Variants in DYM observed in about 807,000 individuals in gnomAD.
DYM encodes dyggve-Melchior-Clausen syndrome protein.
DYM carries 78 observed loss-of-function variants against 93.1 expected under a neutral mutation model. The ratio of observed to expected loss-of-function variants is 0.84; its 90% confidence interval spans 0.70 to 1.01. The LOEUF is 1.01. Ranked by LOEUF, DYM falls within the 50% of genes least tolerant of loss-of-function variation. The pLI is 0.00. For synonymous variants in DYM, 321 were observed against 319.7 expected, an observed-to-expected ratio of 1.00 and a Z score of -0.04; for missense variants, 789 against 845.0, an observed-to-expected ratio of 0.93 and a Z score of 0.82.
chr18:49,380,044 A>T (rs1235699569), intron 3 of DYM, among the ~76,000 whole-genome samples: 1 of 152,068 alleles, frequency 6.6e-6, no homozygotes, highest in Non-Finnish European at 1.5e-5. Context: ...GTTAATAGAC[A>T]CATTCAACTT....
intron 13 of DYM, among the ~76,000 whole-genome samples, chr18:49,214,318 T>C (rs1445774240): frequency 6.6e-6 from 1 of 152,144 alleles, no homozygotes; most frequent in Non-Finnish European, 1.5e-5. Context: ...TAGATTCTCA[T>C]AGGAAGACGA....
intron 14 of DYM, among the ~76,000 whole-genome samples, chr18:49,181,644 G>C (rs1355371251): frequency 6.6e-6 from 1 of 152,014 alleles, no homozygotes; most frequent in East Asian, 1.9e-4. Flanking sequence ...GGAGCATTTT[G>C]GATTTTTAGA....
intron 1 of DYM, among the ~76,000 whole-genome samples, chr18:49,456,570 G>T (rs1399501765): frequency 6.6e-6 from 1 of 152,104 alleles, no homozygotes; most frequent in Non-Finnish European, 1.5e-5. Context: ...GTCCTTATTG[G>T]AAAGTTTCAG....
chr18:49,324,825 G>A (rs1264816046), intron 8 of DYM, among the ~76,000 whole-genome samples: 1 of 152,184 alleles, frequency 6.6e-6, no homozygotes, highest in Non-Finnish European at 1.5e-5. Flanking sequence ...AATAGATGTT[G>A]TATAATTTTC....
chr18:49,330,046 C>A (rs1429884615), intron 8 of DYM, among the ~76,000 whole-genome samples: 2 of 152,150 alleles, frequency 1.3e-5, no homozygotes, highest in South Asian at 4.1e-4. Flanking sequence ...TTTTACATTT[C>A]ATTTTGCCCA....
intron 5 of DYM, among the ~76,000 whole-genome samples, chr18:49,367,659 TAC>T (rs1372077880): frequency 3.3e-5 from 5 of 152,190 alleles, no homozygotes; most frequent in Admixed American, 6.5e-5. Flanking sequence ...TCAGAATACA[TAC>T]AGTCATTAAA....
intron 7 of DYM, among the ~76,000 whole-genome samples, chr18:49,333,442 G>A (rs950552841): frequency 2.0e-5 from 3 of 152,178 alleles, no homozygotes; most frequent in African/African-American, 7.2e-5. Context: ...CTTAAACATA[G>A]ACAGAATGAA....
intron 6 of DYM, among the ~76,000 whole-genome samples, chr18:49,347,661 T>C (rs2064716048): frequency 6.6e-6 from 1 of 152,178 alleles, no homozygotes; most frequent in African/African-American, 2.4e-5. Context: ...CTTTCTATAA[T>C]GCTCTTAAAA....
intron 13 of DYM, among the ~76,000 whole-genome samples, chr18:49,229,197 CAAA>C (rs2093628371): frequency 6.6e-6 from 1 of 151,378 alleles, no homozygotes; most frequent in South Asian, 2.1e-4. Flanking sequence ...ATCTATTAGA[CAAA>C]ATAATAAATC....
intron 15 of DYM, among the ~76,000 whole-genome samples, chr18:49,136,900 G>A (rs2083911818): frequency 6.6e-6 from 1 of 152,114 alleles, no homozygotes; most frequent in African/African-American, 2.4e-5. Flanking sequence ...AAAAGATTTT[G>A]TTAAGAGGAA....
chr18:49,081,152 C>T (rs1237992545), intron 17 of DYM, among the ~76,000 whole-genome samples: 1 of 150,652 alleles, frequency 6.6e-6, no homozygotes, highest in Non-Finnish European at 1.5e-5. Flanking sequence ...CCAAGGCAGG[C>T]GGCTGGGAGA....
At chr18:49,075,864 G>C (rs2077259500) in intron 17 of DYM, among the ~76,000 whole-genome samples, 1 of 152,140 alleles carries the variant, frequency 6.6e-6, no homozygotes. Flanking sequence ...TTTTCTGCTG[G>C]GAAATATTCT....
At chr18:49,066,054 A>G (rs2076361023) in intron 17 of DYM, among the ~76,000 whole-genome samples, 1 of 152,120 alleles carries the variant, frequency 6.6e-6, no homozygotes, top group African/African-American at 2.4e-5. Context: ...GTGAAATATA[A>G]TATGCATACC....
At chr18:49,418,962 A>G (rs960600000) in intron 2 of DYM, among the ~76,000 whole-genome samples, 11 of 152,214 alleles carry the variant, frequency 7.2e-5, no homozygotes, top group African/African-American at 2.2e-4. Flanking sequence ...AGAAACCTTT[A>G]TAAATATACT....
At chr18:49,428,973 G>A (rs945474231) in intron 2 of DYM, among the ~76,000 whole-genome samples, 2 of 152,130 alleles carry the variant, frequency 1.3e-5, no homozygotes, top group Non-Finnish European at 2.9e-5. Context: ...CAGTTCTGTA[G>A]GTCAGAAGTC....
intron 14 of DYM, among the ~76,000 whole-genome samples, chr18:49,194,714 A>G (rs982930601): frequency 9.9e-5 from 15 of 152,178 alleles, no homozygotes; most frequent in Non-Finnish European, 8.8e-5. Flanking sequence ...AGTCTTCAAT[A>G]AATCTTAACA....
intron 1 of DYM, among the ~76,000 whole-genome samples, chr18:49,432,329 C>CAAAAAAAAAAAAAAAAA (rs11429840): frequency 1.3e-5 from 1 of 75,810 alleles, no homozygotes; most frequent in Non-Finnish European, 2.8e-5. Flanking sequence ...AAGACTGTCT[C>CAAAAAAAAAAAAAAAAA]AAAAAAAAAA....
At chr18:49,328,596 T>C (rs1373044245) in intron 8 of DYM, among the ~76,000 whole-genome samples, 1 of 151,534 alleles carries the variant, frequency 6.6e-6, no homozygotes, top group Non-Finnish European at 1.5e-5. Context: ...AGAAAAAAAA[T>C]CAAACAACCC....
chr18:49,322,575 A>G (rs2062572622), intron 8 of DYM, among the ~76,000 whole-genome samples: 1 of 151,964 alleles, frequency 6.6e-6, no homozygotes. Context: ...TTCTTTCATC[A>G]TCTACCTGAA....
Sources: allele counts gnomAD v4.1 joint callset (sites outside exome capture counted in the v4.1 genomes callset), GRCh38; gene constraint gnomAD v4.1.1; transcripts MANE v1.5; gene names NCBI Gene and HGNC (gene_info 2026-07-23, HGNC 2026-07-21).